LAD1: variants seen among roughly 807,000 people sequenced by gnomAD.
LAD1 encodes ladinin 1.
A neutral mutation model predicts 54.2 loss-of-function variants in LAD1; 53 were observed. The ratio of observed to expected loss-of-function variants is 0.98; its 90% CI spans 0.78 to 1.23. The LOEUF is 1.23. LAD1 is among the 50% of genes most tolerant of loss of function. LAD1 has a pLI of 0.00. For missense variants in LAD1, 637 were observed against 653.3 expected (o/e 0.98, Z 0.27); for synonymous variants, 231 against 257.7 (o/e 0.90, Z 0.99).
chr1:201,382,642 G>A lies in LAD1; in HGVS notation c.1473+11C>T, dbSNP rs373058452. The A allele has an allele frequency of 1.9e-6, 3 of 1,584,920 alleles. No individual in the cohort carries two copies. Among genetic ancestry groups the A allele is most frequent in the Non-Finnish European group, 2.6e-6 (3 of 1,163,340 alleles). ...CTCCACAGTAAGAGACATCAGGGAG[G>A]GTGAGGATACCTGGGGGTCCTGATC... On this transcript the variant is annotated intron_variant, in intron 8 of 9. Coordinates refer to ENST00000391967, the MANE Select transcript of LAD1 (RefSeq NM_005558.4).
At chr1:201,385,924 T>C (rs1662073173) in intron 3 of LAD1, 119 bp from the exon 4 acceptor site, 1 of 749,440 alleles carries the variant, frequency 1.3e-6, no homozygotes, top group South Asian at 1.5e-5. Context: ...GACAGCCCTG[T>C]GCCTTCTCTC....
intron 7 of LAD1, 91 bp downstream of exon 7, chr1:201,382,983 C>A: frequency 6.9e-7 from 1 of 1,445,006 alleles, no homozygotes; most frequent in Non-Finnish European, 9.4e-7. Flanking sequence ...CACATGAAAA[C>A]AGTTTTCTAG....
rs540118417 is a variant in LAD1, at chr1:201,381,731, A to G, written c.*157T>C. The G allele has an allele frequency of 1.2e-6, 1 of 824,416 alleles. No individual in the cohort carries two copies. Among genetic ancestry groups the G allele is most frequent in the South Asian group, 1.4e-5 (1 of 70,462 alleles). 51.1% of individuals were successfully genotyped at this position (824,416 alleles called of 1,614,324 possible). On this transcript the variant is annotated 3_prime_UTR_variant, in exon 10 of 10. Transcript: ENST00000391967. ...TGGGAAGGAGCTGGCTGAGTCTTGC[A>G]AATATTCCTGACCCCAGGGACCCTG... is the stretch of plus-strand genomic sequence containing the variant.
intron 1 of LAD1, among the ~76,000 whole-genome samples, chr1:201,392,288 G>A (rs537081022): frequency 3.3e-4 from 51 of 152,332 alleles, no homozygotes; most frequent in Admixed American, 1.4e-3. Context: ...TACCAGGCAC[G>A]ATTCCAGGGG....
intron 1 of LAD1, among the ~76,000 whole-genome samples, chr1:201,393,387 G>A (rs548024127): frequency 6.6e-6 from 1 of 152,156 alleles, no homozygotes; most frequent in South Asian, 2.1e-4. Context: ...CAGGCTGGTG[G>A]GGGTAAATGG....
At chr1:201,384,595 C>T (rs1662035513) in intron 5 of LAD1, 197 bp downstream of exon 5, 1 of 613,060 alleles carries the variant, frequency 1.6e-6, no homozygotes, top group Non-Finnish European at 2.9e-6. Context: ...CCTTCCCCAT[C>T]CTTGTTCCAT....
intron 1 of LAD1, among the ~76,000 whole-genome samples, chr1:201,390,747 G>T (rs1662184250): frequency 6.6e-6 from 1 of 152,130 alleles, no homozygotes; most frequent in African/African-American, 2.4e-5. Flanking sequence ...ACATGCCCCA[G>T]ATGGGACAAC....
In LAD1 at chr1:201,386,402, G is replaced by A; in HGVS notation, c.959C>T (p.Ser320Phe). ...GRALPGKNLP[S>F]LAKQGASDPP... ...GTCTGAAGCCCCCTGCTTTGCCAAA[G>A]AGGGCAGGTTCTTCCCAGGGAGGGC... Residue 320 changes from serine (S) to phenylalanine (F), a missense_variant, in exon 3 of 10, where the codon TCT (serine) becomes TTT (phenylalanine). Transcript: ENST00000391967. 1 of 1,523,072 alleles carries A rather than the reference G, an allele frequency of 6.6e-7. No individual in the cohort carries two copies. The highest frequency in any genetic ancestry group is 8.8e-7 in the Non-Finnish European group (1 of 1,139,930). 94.3% of individuals were successfully genotyped at this position (1,523,072 alleles called of 1,614,324 possible).
At chr1:201,390,061 A>G (rs1662170373) in intron 1 of LAD1, among the ~76,000 whole-genome samples, 1 of 150,956 alleles carries the variant, frequency 6.6e-6, no homozygotes, top group Non-Finnish European at 1.5e-5. Context: ...CTAGGACTAC[A>G]GGTGTGCACC....
At position 201,386,367 on chromosome 1, in the gene LAD1, C is replaced by T. The variant is rs1483066481; in HGVS notation, c.994G>A (p.Val332Met). Reference protein sequence around the residue: ...AKQGASDPPTVASRLPPVTLQ... With the variant: ...AKQGASDPPTMASRLPPVTLQ... Reference sequence around the variant, plus strand: ...GTGACGGGTGGGAGGCGGGAGGCCACAGTCGGAGGGTCTGAAGCCCCCTGC... The same window carrying T: ...GTGACGGGTGGGAGGCGGGAGGCCATAGTCGGAGGGTCTGAAGCCCCCTGC... The change falls in exon 3 of 10, where the codon GTG becomes ATG. Residue 332 changes from valine (V) to methionine (M), a missense_variant. By Grantham distance (21) the Val-to-Met change is conservative (BLOSUM62 1). Coordinates refer to ENST00000391967, the MANE Select transcript of LAD1 (RefSeq NM_005558.4). 1.3e-6 allele frequency: 2 copies of T among 1,497,204 alleles called. No homozygotes were observed. The highest frequency in any genetic ancestry group is 2.3e-5 in the East Asian group (1 of 43,014). 92.7% of individuals were successfully genotyped at this position (1,497,204 alleles called of 1,614,324 possible). A position where few individuals can be genotyped will look rare whatever the true frequency, so the allele number is the denominator to read the frequency against.
At chr1:201,382,161 G>T in intron 9 of LAD1, 91 bp downstream of exon 9, 2 of 1,126,586 alleles carry the variant, frequency 1.8e-6, no homozygotes, top group Non-Finnish European at 2.7e-6. Flanking sequence ...GCGATTGCAG[G>T]CCAATTAGTG....
At chr1:201,382,614 A>G in intron 8 of LAD1, 39 bp downstream of exon 8, 1 of 1,502,036 alleles carries the variant, frequency 6.7e-7, no homozygotes, top group Non-Finnish European at 9.1e-7. Context: ...CCCACCACAA[A>G]GGCTCCACAG....
Position 201,384,999 on chromosome 1 carries a change from G to A in LAD1, c.1132-164C>T, listed in dbSNP as rs545329198. On this transcript the variant is annotated intron_variant, in intron 4 of 9. Coordinates refer to ENST00000391967, the MANE Select transcript of LAD1 (RefSeq NM_005558.4). ...CAAAGAAATATGTGGACAAGCCTTCGTTAAAGATCCTTGTTTGTATCTGGA... is the reference window on the plus strand; with the variant it reads ...CAAAGAAATATGTGGACAAGCCTTCATTAAAGATCCTTGTTTGTATCTGGA... Among the ~76,000 whole-genome samples the A allele has an allele frequency of 5.9e-5, 9 of 152,334 alleles. No individual in the cohort carries two copies. In the South Asian group the frequency reaches 8.3e-4, roughly 14 times the overall value.
At chr1:201,387,201 G>A (rs1453241737) in intron 2 of LAD1, 23 bp from the exon 3 acceptor site, 1 of 1,487,548 alleles carries the variant, frequency 6.7e-7, no homozygotes, top group African/African-American at 1.4e-5. Context: ...ATGGGAGACA[G>A]AATCAGAGGA....
Position 201,385,692 on chromosome 1 carries a change from G to A in LAD1, c.1131+9C>T, listed in dbSNP as rs765266077. On this transcript the variant is annotated intron_variant, in intron 4 of 9. Transcript: ENST00000391967. Reference sequence around the variant, plus strand: ...GTGGCTCGCAGACCAGGGTGCCCAGGGCTCTCACCCGAAAGGAGATGGTCC... The same window carrying A: ...GTGGCTCGCAGACCAGGGTGCCCAGAGCTCTCACCCGAAAGGAGATGGTCC... 1.9e-6 allele frequency: 3 copies of A among 1,606,126 alleles called. No homozygotes were observed. Among genetic ancestry groups the A allele is most frequent in the Admixed American group, 3.3e-5 (2 of 60,020 alleles).
At chr1:201,396,108 C>A (rs1309613249) in intron 1 of LAD1, among the ~76,000 whole-genome samples, 3 of 152,208 alleles carry the variant, frequency 2.0e-5, no homozygotes, top group Non-Finnish European at 4.4e-5. Flanking sequence ...CCTTCAAGCC[C>A]CAGAGCCAGG....
intron 6 of LAD1, 38 bp downstream of exon 6, chr1:201,383,279 C>T (rs745666910): frequency 1.2e-5 from 20 of 1,613,984 alleles, no homozygotes; most frequent in Non-Finnish European, 1.6e-5. Flanking sequence ...CACTACTCAT[C>T]CTGCACCCTC....
At chr1:201,391,191 C>A in intron 1 of LAD1, 1 of 452,934 alleles carries the variant, frequency 2.2e-6, no homozygotes, top group Non-Finnish European at 4.4e-6. Flanking sequence ...TGGAGCTCCA[C>A]AGATCTGGAT....
Position 201,382,186 on chromosome 1 carries a change from C to T in LAD1, c.1548+66G>A, listed in dbSNP as rs981912266. 12 of 1,337,696 alleles carry T rather than the reference C, an allele frequency of 9.0e-6. No homozygotes were observed. In the East Asian group the frequency reaches 9.2e-5, roughly 10 times the overall value. The allele number at this position is 1,337,696 out of a possible 1,614,324, so 82.9% of individuals were successfully genotyped here. On this transcript the variant is annotated intron_variant, in intron 9 of 9. Transcript: ENST00000391967. ...GCCAATTAGTGTGTGCACACGGGGA[C>T]GATGGGGTCTCCCACAGTACACCGT... is the stretch of plus-strand genomic sequence containing the variant.
Sources: gnomAD v4.1 joint callset for allele counts (sites outside exome capture counted in the v4.1 genomes callset) on GRCh38, gnomAD v4.1.1 for gene constraint, MANE v1.5 for transcripts, NCBI Gene and HGNC (gene_info 2026-07-23, HGNC 2026-07-21) for gene names.